Variants in GRIN2C observed in about 807,000 individuals in gnomAD.
GRIN2C encodes the protein glutamate ionotropic receptor NMDA type subunit 2C, also known as glutamate receptor ionotropic, NMDA 2C.
A neutral mutation model predicts 77.7 loss-of-function variants in GRIN2C; 64 were observed. The ratio of observed to expected loss-of-function variants is 0.82; its 90% CI spans 0.67 to 1.01. The LOEUF (loss-of-function observed/expected upper bound fraction) is 1.01, where lower values mean the gene tolerates loss of function less well. Among genes scored for constraint, GRIN2C ranks in the 50% least tolerant of loss-of-function variants. GRIN2C has a pLI of 0.00. For missense variants in GRIN2C, 1,549 were observed against 1,486.0 expected (o/e 1.04, Z -0.70); for synonymous variants, 792 against 643.4 (o/e 1.23, Z -3.49).
intron 7 of GRIN2C, among the ~76,000 whole-genome samples, chr17:74,848,856 A>G (rs1183364449): frequency 6.6e-6 from 1 of 152,132 alleles, no homozygotes; most frequent in Non-Finnish European, 1.5e-5. Context: ...GTCTCTACAC[A>G]AAATACAAAA....
chr17:74,847,029 A>G lies in GRIN2C; in HGVS notation c.2002-109T>C, dbSNP rs2037478439. ...CCCCAGTGTGGACTTGCATAGTCAG[A>G]GCAGAAGGTCTTAAAGGCTGTCCAG... On this transcript the variant is annotated intron_variant, in intron 9 of 12. Transcript: ENST00000293190. This position sits in a 1 kb window ranked among gnomAD's most constrained non-coding sequence, Gnocchi z 5.2. 5.8e-6 allele frequency: 7 copies of G among 1,210,490 alleles called. No individual in the cohort carries two copies. The highest frequency in any genetic ancestry group is 8.1e-6 in the Non-Finnish European group (7 of 866,838). 75.0% of individuals were successfully genotyped at this position (1,210,490 alleles called of 1,614,324 possible).
chr17:74,845,255 A>G (rs1290079422), intron 11 of GRIN2C, among the ~76,000 whole-genome samples: 1 of 138,942 alleles, frequency 7.2e-6, no homozygotes, highest in Non-Finnish European at 1.5e-5. Context: ...TGGTTTGAGA[A>G]ATCAGATTTT....
At chr17:74,844,127 GC>G in intron 12 of GRIN2C, 148 bp downstream of exon 12, 1 of 1,412,554 alleles carries the variant, frequency 7.1e-7, no homozygotes, top group Non-Finnish European at 9.3e-7. Flanking sequence ...ACTGGCCTAA[GC>G]CTCTCAAAGT....
chr17:74,856,875 A>C lies in GRIN2C; in HGVS notation c.-15-1768T>G, dbSNP rs1182232222. On this transcript the variant is annotated intron_variant, in intron 1 of 12. Coordinates refer to ENST00000293190, the MANE Select transcript of GRIN2C (RefSeq NM_000835.6). ...TCTCTAAGGAATCCAGAGAGCGGGG[A>C]AGTGCAAGAGGCTACCAGGAACATT... Among the ~76,000 whole-genome samples, 4 of 151,974 alleles carry C rather than the reference A, an allele frequency of 2.6e-5. No individual in the cohort carries two copies. In the East Asian group the frequency reaches 5.8e-4, roughly 22 times the overall value.
intron 12 of GRIN2C, 115 bp from the exon 13 acceptor site, chr17:74,843,668 GCTAA>G (rs1239957674): frequency 1.5e-6 from 2 of 1,360,022 alleles, no homozygotes; most frequent in African/African-American, 1.5e-5. Flanking sequence ...TCAGGAAGTA[GCTAA>G]CTGTGAAGCA....
chr17:74,848,216 A>G (rs549726395), intron 7 of GRIN2C, among the ~76,000 whole-genome samples: 7 of 152,170 alleles, frequency 4.6e-5, no homozygotes, highest in Admixed American at 3.9e-4. Flanking sequence ...GACAGGTACA[A>G]GTCACCCACC....
In GRIN2C at chr17:74,850,796, G is replaced by A; in HGVS notation, c.1114-29C>T. On this transcript the variant is annotated intron_variant, in intron 4 of 12. Transcript: ENST00000293190. The surrounding 1 kb of genome is among the most constrained non-coding windows in gnomAD (Gnocchi z 5.3). The stretch of plus-strand genomic sequence containing the variant: ...TGGAGGGTGACAGCCTCAGCCTGGG[G>A]CCTCCAGCCCTACAGCCCCCACCCT... The A allele has an allele frequency of 6.4e-7, 1 of 1,570,418 alleles. No individual in the cohort carries two copies. Among genetic ancestry groups the A allele is most frequent in the East Asian group, 2.3e-5 (1 of 43,436 alleles).
chr17:74,844,031 G>A (rs780685683), intron 12 of GRIN2C: 40 of 731,262 alleles, frequency 5.5e-5, no homozygotes, highest in Admixed American at 1.3e-4. Flanking sequence ...GCACCACCAC[G>A]CCCAGCTAAT....
In GRIN2C at chr17:74,842,331, G is replaced by A. The variant is rs2037308249; in HGVS notation, c.*104C>T. On this transcript the variant is annotated 3_prime_UTR_variant, in exon 13 of 13. Coordinates refer to ENST00000293190, the MANE Select transcript of GRIN2C (RefSeq NM_000835.6). ...ATCTGTCACTGGGGTCCCATGGCCA[G>A]GATTTCATGGCAGAAGCCAGAAAAG... 5 of 648,912 alleles carry A rather than the reference G, an allele frequency of 7.7e-6. No individual in the cohort carries two copies. The highest frequency in any genetic ancestry group is 1.4e-5 in the Non-Finnish European group (5 of 355,810). The allele number at this position is 648,912 out of a possible 1,614,324, so 40.2% of individuals were successfully genotyped here. A position where few individuals can be genotyped will look rare whatever the true frequency, so the allele number is the denominator to read the frequency against.
upstream of GRIN2C, among the ~76,000 whole-genome samples, chr17:74,861,019 C>T (rs377364294): frequency 2.6e-5 from 4 of 152,156 alleles, no homozygotes; most frequent in Non-Finnish European, 4.4e-5. Flanking sequence ...CCCTGTTCCC[C>T]GCTCTCCGCC....
At position 74,846,555 on chromosome 17, in the gene GRIN2C, TTTGA is replaced by T. The variant is rs149350426; in HGVS notation, c.2162+201_2162+204del. ...CCACCACCTCAGGCTGAGGCTGAAC[TTTGA>T]TTGGCACCACAGCTGTGTTCTGAGA... On this transcript the variant is annotated intron_variant, in intron 10 of 12. Transcript: ENST00000293190. The surrounding 1 kb of genome is among the most constrained non-coding windows in gnomAD (Gnocchi z 4.4). Among the ~76,000 whole-genome samples the T allele has an allele frequency of 0.16, 24,313 of 152,136 alleles. 2,629 individuals carry two copies. The highest frequency in any genetic ancestry group is 0.23 in the Non-Finnish European group (15,800 of 67,946).
In GRIN2C at chr17:74,843,036, C is replaced by T; in HGVS notation, c.3101G>A (p.Arg1034Gln). The change falls in exon 13 of 13, where the codon CGA becomes CAA. Residue 1034 changes from arginine to glutamine, a missense_variant. Arg to Gln is a conservative substitution (Grantham distance 43). This residue lies in a region of GRIN2C where 450 missense variants were observed against 267.9 expected (regional missense o/e 1.68). Transcript: ENST00000293190. ...PARCHYSSFP[R>Q]ADRSGRPFLP... is the part of the protein sequence containing the mutation. ...GAAGGGGCGGCCGGATCGGTCGGCT[C>T]GAGGAAAGGAGCTGTAGTGACAGCG... The T allele has an allele frequency of 2.1e-6, 1 of 483,838 alleles. No homozygotes were observed. The highest frequency in any genetic ancestry group is 3.7e-6 in the Non-Finnish European group (1 of 271,366). 30.0% of individuals were successfully genotyped at this position (483,838 alleles called of 1,614,324 possible).
upstream of GRIN2C, chr17:74,860,355 G>A (rs1340187928): frequency 3.1e-5 from 14 of 451,180 alleles, no homozygotes; most frequent in Admixed American, 9.5e-5. Flanking sequence ...CTGGGGGACC[G>A]AGCCAGAAGT....
chr17:74,845,956 C>T, intron 11 of GRIN2C, 110 bp downstream of exon 11: 2 of 1,019,456 alleles, frequency 2.0e-6, no homozygotes, highest in East Asian at 2.4e-5. Flanking sequence ...TCTCACCCCC[C>T]AGAGACCTCT....
Position 74,850,652 on chromosome 17 carries a change from T to C in GRIN2C, c.1229A>G (p.Glu410Gly). The C allele has an allele frequency of 6.2e-7, 1 of 1,613,606 alleles. No homozygotes were observed. ...SRHLTVATLE[E>G]RPFVIVESPD... ...GCTCTCCACGATGACAAAGGGCCGC[T>C]CTTCCAGCGTGGCCACCGTCAGGTG... The change falls in exon 5 of 13, where the codon GAG becomes GGG. Residue 410 changes from glutamate to glycine, a missense_variant. Glu to Gly is a moderately conservative substitution (Grantham distance 98). Coordinates refer to ENST00000293190, the MANE Select transcript of GRIN2C (RefSeq NM_000835.6). The surrounding 1 kb of genome is among the most constrained non-coding windows in gnomAD (Gnocchi z 5.3).
Position 74,855,047 on chromosome 17 carries a change from C to T in GRIN2C, c.46G>A (p.Gly16Ser), listed in dbSNP as rs762668677. 16 of 1,598,278 alleles carry T rather than the reference C, an allele frequency of 1.0e-5. No individual in the cohort carries two copies. The highest frequency in any genetic ancestry group is 4.5e-5 in the East Asian group (2 of 44,802). ...CCCGGACCCAGCCCTGCCCAGGCACCGAAGAGCGAGGTGAGCAACAGGGCC... is the reference window on the plus strand; with the variant it reads ...CCCGGACCCAGCCCTGCCCAGGCACTGAAGAGCGAGGTGAGCAACAGGGCC... ...GPALLLTSLFGAWAGLGPGQG... is the reference protein window; with the variant it reads ...GPALLLTSLFSAWAGLGPGQG... The change falls in exon 2 of 13, where the codon GGT becomes AGT. Residue 16 changes from glycine to serine, a missense_variant. Gly to Ser is a moderately conservative substitution (Grantham distance 56, BLOSUM62 0). Around this residue, in one of 3 missense-constraint regions of GRIN2C, gnomAD observed 382 missense variants for 360.0 expected, o/e 1.06. Transcript: ENST00000293190.
chr17:74,842,238 G>A lies in GRIN2C; in HGVS notation c.*197C>T, dbSNP rs556568465. 16 of 538,868 alleles carry A rather than the reference G, an allele frequency of 3.0e-5. No homozygotes were observed. In the East Asian group the frequency reaches 4.6e-4, roughly 15 times the overall value. The allele number at this position is 538,868 out of a possible 1,614,324, so 33.4% of individuals were successfully genotyped here. A position where few individuals can be genotyped will look rare whatever the true frequency, so the allele number is the denominator to read the frequency against. ...CTGGCAGAACTCTGCGTGAGAAGAG[G>A]ACAGCAAAAGCCCAGCCCTCACCAT... is the stretch of plus-strand genomic sequence containing the variant. On this transcript the variant is annotated 3_prime_UTR_variant, in exon 13 of 13. Transcript: ENST00000293190.
chr17:74,844,278 T>A lies in GRIN2C; in HGVS notation c.2581A>T (p.Arg861Trp). ...TGTGGGGAGGGGTGGGCACCCACCCTGCTGAAAGCCAGCAGGAAGTCCAGC... is the reference window on the plus strand; with the variant it reads ...TGTGGGGAGGGGTGGGCACCCACCCAGCTGAAAGCCAGCAGGAAGTCCAGC... ...SQLDFLLAFS[R>W]GIYSCFSGVQ... The change falls in exon 12 of 13, where the codon AGG becomes TGG. Residue 861 changes from arginine to tryptophan, a missense_variant and splice_region_variant. Arg to Trp is a moderately radical substitution (Grantham distance 101). This residue lies in a region of GRIN2C where 450 missense variants were observed against 267.9 expected (regional missense o/e 1.68). Transcript: ENST00000293190. 1 of 1,613,684 alleles carries A rather than the reference T, an allele frequency of 6.2e-7. No individual in the cohort carries two copies. Among genetic ancestry groups the A allele is most frequent in the Non-Finnish European group, 8.5e-7 (1 of 1,179,710 alleles).
intron 11 of GRIN2C, among the ~76,000 whole-genome samples, chr17:74,845,111 G>C (rs2037416537): frequency 6.6e-6 from 1 of 151,690 alleles, no homozygotes. Flanking sequence ...TGTATCTTTT[G>C]TAGAGATAGG....
Sources: gnomAD v4.1 joint callset for allele counts (sites outside exome capture counted in the v4.1 genomes callset) on GRCh38, gnomAD v4.1.1 for gene constraint, gnomAD v4.1.1 regional missense constraint, Gnocchi (gnomAD v3.1) non-coding constraint, MANE v1.5 for transcripts, NCBI Gene and HGNC (gene_info 2026-07-23, HGNC 2026-07-21) for gene names.